Variants in TENM2 observed in about 807,000 individuals in gnomAD.
TENM2 encodes teneurin transmembrane protein 2.
In TENM2, 52 loss-of-function variants were observed where a neutral mutation model predicts 245.2. The ratio of observed to expected loss-of-function variants is 0.21; its 90% CI spans 0.17 to 0.27. TENM2 has a LOEUF of 0.27. Ranked by LOEUF, TENM2 falls within the 10% of genes least tolerant of loss-of-function variation. The pLI, the probability that TENM2 is intolerant of heterozygous loss-of-function variation, is 1.00. For missense variants in TENM2, 3,046 were observed against 3,666.8 expected (o/e 0.83, Z 4.37); for synonymous variants, 1,363 against 1,438.9 (o/e 0.95, Z 1.19).
intron 4 of TENM2, among the ~76,000 whole-genome samples, chr5:167,992,107 T>C (rs903762550): frequency 6.6e-6 from 1 of 152,012 alleles, no homozygotes; most frequent in African/African-American, 2.4e-5. Flanking sequence ...TAATAAACTT[T>C]GGGGACTTGG....
chr5:168,110,562 A>G (rs999138664), intron 9 of TENM2, among the ~76,000 whole-genome samples: 2 of 152,330 alleles, frequency 1.3e-5, no homozygotes, highest in East Asian at 1.9e-4. Context: ...GCCCAGAACC[A>G]TTCTGCCTGC....
At chr5:167,188,823 A>T in the TENM2 span, among the ~76,000 whole-genome samples, 6 of 152,288 alleles carry the variant, frequency 3.9e-5, no homozygotes, top group African/African-American at 1.4e-4. Flanking sequence ...AATTTGGACG[A>T]TCGAGACAAA....
At chr5:167,024,643 A>T in the TENM2 span, among the ~76,000 whole-genome samples, 1 of 152,186 alleles carries the variant, frequency 6.6e-6, no homozygotes, top group Non-Finnish European at 1.5e-5. Context: ...CAGAAACAAC[A>T]GCAAGTAAGA....
the TENM2 span, chr5:167,168,242 T>G: frequency 6.6e-6 from 1 of 152,232 alleles, no homozygotes; most frequent in Non-Finnish European, 1.5e-5. Context: ...CAGTGTTCTA[T>G]ATCATGTCAC....
chr5:167,780,128 A>G (rs1205508012), intron 2 of TENM2, among the ~76,000 whole-genome samples: 1 of 152,144 alleles, frequency 6.6e-6, no homozygotes, highest in Non-Finnish European at 1.5e-5. Context: ...ACACAGCACA[A>G]ATGTTTTTCA....
At chr5:167,573,673 CG>C (rs1774439616) in intron 2 of TENM2, among the ~76,000 whole-genome samples, 1 of 152,006 alleles carries the variant, frequency 6.6e-6, no homozygotes, top group Admixed American at 6.6e-5. Context: ...TCAAGCCTAG[CG>C]GTGCTTTCGC....
At chr5:168,020,729 TGTG>T (rs1786071321) in intron 5 of TENM2, among the ~76,000 whole-genome samples, 2 of 152,218 alleles carry the variant, frequency 1.3e-5, no homozygotes, top group African/African-American at 4.8e-5. Context: ...TAAGATACAG[TGTG>T]TCTTTGGACC....
intron 12 of TENM2, among the ~76,000 whole-genome samples, chr5:168,140,535 C>T (rs180904153): frequency 3.4e-4 from 51 of 152,112 alleles, no homozygotes; most frequent in Admixed American, 7.2e-4. Flanking sequence ...AGTGTATACA[C>T]GTCTGTGTGC....
intron 1 of TENM2, among the ~76,000 whole-genome samples, chr5:167,321,995 G>GT (rs964871765): frequency 1.6e-4 from 24 of 151,026 alleles, no homozygotes; most frequent in East Asian, 1.4e-3. Flanking sequence ...CGTCTGACTA[G>GT]TTTTTTTTGT....
intron 2 of TENM2, among the ~76,000 whole-genome samples, chr5:167,832,376 G>T (rs1372908626): frequency 6.6e-6 from 1 of 152,200 alleles, no homozygotes; most frequent in Non-Finnish European, 1.5e-5. Flanking sequence ...CCACACGCTT[G>T]TCTGTGTAGA....
the TENM2 span, among the ~76,000 whole-genome samples, chr5:167,254,857 G>GT: frequency 2.0e-5 from 3 of 152,050 alleles, no homozygotes; most frequent in Non-Finnish European, 4.4e-5. Flanking sequence ...TAGGAAGCAA[G>GT]TGAGTGCTAA....
At chr5:167,745,481 G>A (rs1015587672) in intron 2 of TENM2, among the ~76,000 whole-genome samples, 1 of 152,006 alleles carries the variant, frequency 6.6e-6, no homozygotes, top group African/African-American at 2.4e-5. Flanking sequence ...AGTTCCCCTC[G>A]GTATTCTCAC....
intron 3 of TENM2, among the ~76,000 whole-genome samples, chr5:167,929,821 T>G (rs958725723): frequency 2.0e-5 from 3 of 152,190 alleles, no homozygotes; most frequent in Admixed American, 2.0e-4. Context: ...AAATAGAGAC[T>G]GACAAAATTG....
intron 2 of TENM2, among the ~76,000 whole-genome samples, chr5:167,545,537 G>C (rs1402360410): frequency 6.6e-6 from 1 of 152,100 alleles, no homozygotes; most frequent in Non-Finnish European, 1.5e-5. Flanking sequence ...TAAAATAATC[G>C]TGGTTAATTT....
intron 2 of TENM2, among the ~76,000 whole-genome samples, chr5:167,627,839 G>A (rs1219516650): frequency 6.6e-6 from 1 of 152,146 alleles, no homozygotes; most frequent in Non-Finnish European, 1.5e-5. Context: ...TTACAGGCGT[G>A]AGCCACCACG....
At chr5:167,693,132 A>C (rs1201196971) in intron 2 of TENM2, among the ~76,000 whole-genome samples, 1 of 152,202 alleles carries the variant, frequency 6.6e-6, no homozygotes, top group Non-Finnish European at 1.5e-5. Flanking sequence ...CTATTAGTAG[A>C]GTGTGGCTGG....
rs967998463 is a variant in TENM2, at chr5:167,898,925, A to T, written c.712+22730A>T. On this transcript the variant is annotated intron_variant, in intron 3 of 28. Coordinates refer to ENST00000518659, the Ensembl canonical transcript of TENM2. ...ATGGGAAATAAATTTGAATCTGAAA[A>T]GGCGTGGATTGGCTCGATGGTCATA... Among the ~76,000 whole-genome samples the T allele has an allele frequency of 3.9e-5, 6 of 152,082 alleles. 1 individual carries two copies. The highest frequency in any genetic ancestry group is 2.9e-5 in the Non-Finnish European group (2 of 68,010).
intron 2 of TENM2, among the ~76,000 whole-genome samples, chr5:167,410,375 T>C (rs2127402834): frequency 6.6e-6 from 1 of 152,168 alleles, no homozygotes; most frequent in African/African-American, 2.4e-5. Flanking sequence ...TATTTAAGCC[T>C]AATAAGCCAT....
chr5:167,019,717 G>A, the TENM2 span, among the ~76,000 whole-genome samples: 2 of 151,954 alleles, frequency 1.3e-5, no homozygotes, highest in African/African-American at 4.8e-5. Flanking sequence ...TGATCCGCTC[G>A]CCTCAGCCTC....
Sources: gnomAD v4.1 joint callset for allele counts (sites outside exome capture counted in the v4.1 genomes callset) on GRCh38, gnomAD v4.1.1 for gene constraint, MANE v1.5 for transcripts, NCBI Gene and HGNC (gene_info 2026-07-23, HGNC 2026-07-21) for gene names.